HDAC9: variants seen among roughly 807,000 people sequenced by gnomAD.
HDAC9 encodes the protein MEF-2 interacting transcription repressor (MITR) protein.
HDAC9 carries 41 observed loss-of-function variants against 139.4 expected under a neutral mutation model. The ratio of observed to expected loss-of-function variants is 0.29; its 90% CI spans 0.23 to 0.38. The LOEUF is 0.38. HDAC9 is among the 10% of genes least tolerant of loss of function. HDAC9 has a pLI of 1.00. For synonymous variants in HDAC9, 517 were observed against 476.2 expected (o/e 1.09, Z -1.12); for missense variants, 1,147 against 1,297.0 (o/e 0.88, Z 1.78).
At chr7:18,464,211 ATATCTT>A (rs1563014119) in intron 1 of HDAC9, among the ~76,000 whole-genome samples, 1 of 151,800 alleles carries the variant, frequency 6.6e-6, no homozygotes, top group Non-Finnish European at 1.5e-5. Context: ...CAAACTTTCT[ATATCTT>A]TATATTTAAA....
chr7:18,825,586 T>G (rs1795361135), intron 17 of HDAC9, among the ~76,000 whole-genome samples: 1 of 151,696 alleles, frequency 6.6e-6, no homozygotes, highest in African/African-American at 2.4e-5. Flanking sequence ...GAAGCAGACA[T>G]GAGGAAAAGG....
chr7:18,580,722 G>A (rs1827550487), intron 2 of HDAC9, among the ~76,000 whole-genome samples: 2 of 152,180 alleles, frequency 1.3e-5, no homozygotes, highest in Admixed American at 1.3e-4. Flanking sequence ...GACAAGGAAT[G>A]TTGTGAACAG....
chr7:18,531,139 A>C (rs1808796388), intron 2 of HDAC9, among the ~76,000 whole-genome samples: 1 of 152,054 alleles, frequency 6.6e-6, no homozygotes, highest in South Asian at 2.1e-4. Flanking sequence ...CCCTGCTTCA[A>C]ACTATACTTA....
At chr7:18,267,719 C>A (rs1249016949) in intron 2 of HDAC9, among the ~76,000 whole-genome samples, 1 of 152,084 alleles carries the variant, frequency 6.6e-6, no homozygotes, top group African/African-American at 2.4e-5. Context: ...AGTTTCATTT[C>A]ATACTTTGGC....
At chr7:18,552,288 T>C (rs576481934) in intron 2 of HDAC9, among the ~76,000 whole-genome samples, 1 of 152,132 alleles carries the variant, frequency 6.6e-6, no homozygotes, top group Non-Finnish European at 1.5e-5. Context: ...CAGGTTTTCC[T>C]TTTTTTTGAG....
At chr7:18,991,614 G>C (rs1785973525) in intron 25 of HDAC9, among the ~76,000 whole-genome samples, 1 of 151,526 alleles carries the variant, frequency 6.6e-6, no homozygotes, top group African/African-American at 2.4e-5. Context: ...TCCAGCCTGG[G>C]TGACAGTGAG....
intron 1 of HDAC9, among the ~76,000 whole-genome samples, chr7:18,153,807 T>C (rs1454772118): frequency 2.0e-5 from 3 of 152,170 alleles, no homozygotes; most frequent in Non-Finnish European, 4.4e-5. Flanking sequence ...CTCACATCTT[T>C]GGGCAATGGC....
chr7:18,570,871 C>T (rs1037669578), intron 2 of HDAC9, among the ~76,000 whole-genome samples: 3 of 152,170 alleles, frequency 2.0e-5, no homozygotes, highest in Non-Finnish European at 4.4e-5. Flanking sequence ...ATAAGAGAAA[C>T]TCGGGAGACT....
chr7:18,246,923 G>A (rs1794581210), intron 2 of HDAC9, among the ~76,000 whole-genome samples: 1 of 152,064 alleles, frequency 6.6e-6, no homozygotes, highest in Non-Finnish European at 1.5e-5. Flanking sequence ...TTTGAATCTA[G>A]GACCAAGAGA....
chr7:18,208,980 T>C (rs1203613420), intron 2 of HDAC9, among the ~76,000 whole-genome samples: 2 of 152,232 alleles, frequency 1.3e-5, no homozygotes, highest in African/African-American at 4.8e-5. Flanking sequence ...TAAGTCCTAA[T>C]CCACTGAATA....
chr7:18,418,877 G>A (rs968876011), intron 1 of HDAC9, among the ~76,000 whole-genome samples: 2 of 152,080 alleles, frequency 1.3e-5, no homozygotes, highest in African/African-American at 4.8e-5. Context: ...ACAACTGTTT[G>A]TATACGCTCA....
chr7:18,508,721 G>A (rs1164851982), intron 2 of HDAC9, among the ~76,000 whole-genome samples: 1 of 152,168 alleles, frequency 6.6e-6, no homozygotes, highest in African/African-American at 2.4e-5. Context: ...AAGGGGAGCA[G>A]AGTATCTTCG....
At chr7:18,764,780 A>G (rs1387461441) in intron 15 of HDAC9, among the ~76,000 whole-genome samples, 1 of 152,176 alleles carries the variant, frequency 6.6e-6, no homozygotes, top group African/African-American at 2.4e-5. Context: ...CTCCCAACAC[A>G]TATGGGAGAT....
chr7:18,927,496 GT>G (rs1804343154), intron 22 of HDAC9, among the ~76,000 whole-genome samples: 1 of 152,108 alleles, frequency 6.6e-6, no homozygotes, highest in Non-Finnish European at 1.5e-5. Context: ...AATGGCTACA[GT>G]TTTTATAATT....
intron 1 of HDAC9, among the ~76,000 whole-genome samples, chr7:18,295,435 T>A (rs1388432005): frequency 2.0e-5 from 3 of 152,146 alleles, no homozygotes; most frequent in Non-Finnish European, 4.4e-5. Context: ...TCTTTAAAAT[T>A]GCATTGCATT....
chr7:18,090,391 A>G (rs1782068986), intron 1 of HDAC9, among the ~76,000 whole-genome samples: 1 of 152,170 alleles, frequency 6.6e-6, no homozygotes, highest in African/African-American at 2.4e-5. Context: ...TGGCCTGTTG[A>G]TGGGAGAGAA....
At chr7:18,128,536 C>T (rs1276338572) in intron 1 of HDAC9, among the ~76,000 whole-genome samples, 1 of 152,032 alleles carries the variant, frequency 6.6e-6, no homozygotes, top group East Asian at 1.9e-4. Context: ...AGAACTGCTT[C>T]TCAGGACACC....
At chr7:18,522,120 C>T (rs1039817150) in intron 2 of HDAC9, among the ~76,000 whole-genome samples, 3 of 151,948 alleles carry the variant, frequency 2.0e-5, no homozygotes, top group East Asian at 1.9e-4. Context: ...AAATTAACAC[C>T]GCGAGAAATG....
chr7:18,925,985 T>C (rs1335775527), intron 22 of HDAC9, among the ~76,000 whole-genome samples: 1 of 152,122 alleles, frequency 6.6e-6, no homozygotes, highest in African/African-American at 2.4e-5. Context: ...CTTAAAACGA[T>C]AGAATTGGAG....
Sources: allele counts gnomAD v4.1 joint callset (sites outside exome capture counted in the v4.1 genomes callset), GRCh38; gene constraint gnomAD v4.1.1; transcripts MANE v1.5; gene names NCBI Gene and HGNC (gene_info 2026-07-23, HGNC 2026-07-21).